The following DHX30 variants were observed in gnomAD, a reference collection of about 807,000 sequenced individuals.
The protein encoded by DHX30 is DExH-box helicase 30, also known as ATP-dependent RNA helicase DHX30.
A neutral mutation model predicts 116.9 loss-of-function variants in DHX30; 4 were observed. The observed-to-expected ratio is 0.03, with a 90% confidence interval of 0.02 to 0.08. DHX30 has a LOEUF of 0.08. Among genes scored for constraint, DHX30 ranks in the 10% least tolerant of loss-of-function variants. DHX30 has a pLI of 1.00. For synonymous variants in DHX30, 697 were observed against 651.7 expected (o/e 1.07, Z -1.06); for missense variants, 871 against 1,595.1 (o/e 0.55, Z 7.73).
At chr3:47,807,944 C>G (rs974867231) in intron 2 of DHX30, among the ~76,000 whole-genome samples, 2 of 151,528 alleles carry the variant, frequency 1.3e-5, no homozygotes, top group Non-Finnish European at 2.9e-5. Context: ...GAGTTTCGCT[C>G]TTGTTGCCCA....
At chr3:47,835,634 G>A (rs1307797075) in intron 6 of DHX30, among the ~76,000 whole-genome samples, 1 of 152,004 alleles carries the variant, frequency 6.6e-6, no homozygotes, top group African/African-American at 2.4e-5. Flanking sequence ...TAGAGATGGG[G>A]TTTCACCATG....
At chr3:47,830,129 CAA>C (rs2036776942) in intron 6 of DHX30, among the ~76,000 whole-genome samples, 1 of 148,886 alleles carries the variant, frequency 6.7e-6, no homozygotes, top group Non-Finnish European at 1.5e-5. Flanking sequence ...CATGCCTGGC[CAA>C]CTTTTTTTTT....
chr3:47,826,671 G>T lies in DHX30; in HGVS notation c.125-676G>T, dbSNP rs376029070. ...AAGGTTTCACTATGTTGGCCAGGTT[G>T]TCAAACTCCTGACCTTGTGATCCAC... On this transcript the variant is annotated intron_variant, in intron 4 of 21. Transcript: ENST00000445061. Among the ~76,000 whole-genome samples, 18 of 151,866 alleles carry T rather than the reference G, an allele frequency of 1.2e-4. No homozygotes were observed. The East Asian group carries it at 1.5e-3, about 13-fold the overall frequency.
chr3:47,848,617 G>A lies in DHX30; in HGVS notation c.2576-7G>A, dbSNP rs755558361. Reference sequence around the variant, plus strand: ...CGAGGGTGGTACTGACAGCTGAGCCGTTGCAGGGGTGCTGGACCAGCGGGA... The same window carrying A: ...CGAGGGTGGTACTGACAGCTGAGCCATTGCAGGGGTGCTGGACCAGCGGGA... On this transcript the variant is annotated splice_polypyrimidine_tract_variant and splice_region_variant and intron_variant, in intron 16 of 21. Transcript: ENST00000445061. The surrounding 1 kb of genome is among the most constrained non-coding windows in gnomAD (Gnocchi z 9.4). 1.3e-5 allele frequency: 21 copies of A among 1,613,944 alleles called. No homozygotes were observed. The South Asian group carries it at 1.4e-4, about 11-fold the overall frequency.
intron 6 of DHX30, among the ~76,000 whole-genome samples, chr3:47,831,672 CTTT>C (rs775768382): frequency 2.2e-5 from 3 of 137,272 alleles, no homozygotes; most frequent in African/African-American, 5.3e-5. Context: ...CCTCTAGTTA[CTTT>C]TTTTTTTTTT....
chr3:47,827,979 C>T (rs2107027860), intron 5 of DHX30, among the ~76,000 whole-genome samples: 1 of 152,206 alleles, frequency 6.6e-6, no homozygotes, highest in East Asian at 1.9e-4. Context: ...CCGCCTCAGC[C>T]TCCAAAGTAG....
intron 4 of DHX30, among the ~76,000 whole-genome samples, chr3:47,826,444 C>CTTTTT (rs978485673): frequency 7.5e-6 from 1 of 133,960 alleles, no homozygotes; most frequent in Non-Finnish European, 1.6e-5. Flanking sequence ...GGTTTTCTTT[C>CTTTTT]TTTTTTTTTT....
At chr3:47,814,456 A>T (rs1022525838) in intron 3 of DHX30, among the ~76,000 whole-genome samples, 7 of 150,792 alleles carry the variant, frequency 4.6e-5, no homozygotes, top group Non-Finnish European at 1.0e-4. Flanking sequence ...AAAGAAAAAA[A>T]AATTTTTTTT....
chr3:47,828,084 C>A lies in DHX30; in HGVS notation c.255+607C>A, dbSNP rs899787919. On this transcript the variant is annotated intron_variant, in intron 5 of 21. Transcript: ENST00000445061. ...TATGTTGCTCAGGGTAGTCTCAAAC[C>A]CCTTGGTTCAAGGGATCCTCCCTCC... Among the ~76,000 whole-genome samples the A allele has an allele frequency of 9.9e-5, 15 of 151,622 alleles. 1 individual carries two copies. The highest frequency in any genetic ancestry group is 9.9e-4 in the Admixed American group (15 of 15,204).
chr3:47,846,340 G>A lies in DHX30; in HGVS notation c.1268G>A (p.Arg423Gln), dbSNP rs1334763875. The A allele has an allele frequency of 3.7e-6, 6 of 1,613,962 alleles. No homozygotes were observed. The highest frequency in any genetic ancestry group is 2.2e-5 in the East Asian group (1 of 44,898). ...CAGAGTCTGCTAGAACTGTGGCGGCGGCGAGGGCCGGTCTGGCAGGAGGCC... is the reference window on the plus strand; with the variant it reads ...CAGAGTCTGCTAGAACTGTGGCGGCAGCGAGGGCCGGTCTGGCAGGAGGCC... ...LSQSLLELWR[R>Q]RGPVWQEAPQ... The change falls in exon 11 of 22, where the codon CGG becomes CAG. Residue 423 changes from arginine to glutamine, a missense_variant. Physicochemically the swap from Arg to Gln is conservative, Grantham distance 43 (BLOSUM62 1). This residue lies in a region of DHX30 where 175 missense variants were observed against 292.9 expected (regional missense o/e 0.60). Coordinates refer to ENST00000445061, the MANE Select transcript of DHX30 (RefSeq NM_138615.3).
At chr3:47,810,944 T>C (rs746944582) in intron 3 of DHX30, among the ~76,000 whole-genome samples, 1 of 152,106 alleles carries the variant, frequency 6.6e-6, no homozygotes, top group Non-Finnish European at 1.5e-5. Flanking sequence ...TCCCTGCTTA[T>C]TAAAATCCTT....
chr3:47,843,032 G>T, intron 8 of DHX30, 74 bp from the exon 9 acceptor site: 1 of 1,564,866 alleles, frequency 6.4e-7, no homozygotes, highest in Non-Finnish European at 8.7e-7. Flanking sequence ...TGGGCTCCTT[G>T]GCATTCTGAG....
intron 4 of DHX30, among the ~76,000 whole-genome samples, chr3:47,820,554 G>C (rs1402064955): frequency 2.6e-5 from 4 of 152,146 alleles, no homozygotes; most frequent in Admixed American, 6.5e-5. Flanking sequence ...CCCTTCCACT[G>C]TCCCTGCGGA....
intron 4 of DHX30, among the ~76,000 whole-genome samples, chr3:47,820,935 CTTCT>C (rs974243680): frequency 2.2e-5 from 3 of 139,274 alleles, no homozygotes; most frequent in African/African-American, 5.2e-5. Context: ...TGTTTTATTT[CTTCT>C]TTCTATTTTT....
chr3:47,841,671 G>C lies in DHX30; in HGVS notation c.723G>C (p.Gln241His), dbSNP rs772576639. 5 of 1,614,266 alleles carry C rather than the reference G, an allele frequency of 3.1e-6. No individual in the cohort carries two copies. The highest frequency in any genetic ancestry group is 4.2e-6 in the Non-Finnish European group (5 of 1,180,054). ...ACAGTGCCATTAGGGCTCTGACCCAGTTTCCACTTCCCAAGAACCTTCTGG... is the reference window on the plus strand; with the variant it reads ...ACAGTGCCATTAGGGCTCTGACCCACTTTCCACTTCCCAAGAACCTTCTGG... ...DDDSAIRALT[Q>H]FPLPKNLLAK... The change falls in exon 8 of 22, where the codon CAG becomes CAC. Residue 241 changes from glutamine to histidine, a missense_variant. Gln to His is a conservative substitution (Grantham distance 24, BLOSUM62 0). Transcript: ENST00000445061.
rs367804554 is a variant in DHX30 at position 47,848,419 on chromosome 3, G to A, written c.2493+33G>A. On this transcript the variant is annotated intron_variant, in intron 15 of 21. Coordinates refer to ENST00000445061, the MANE Select transcript of DHX30 (RefSeq NM_138615.3). The surrounding 1 kb of genome is among the most constrained non-coding windows in gnomAD (Gnocchi z 9.4). ...GGGGCGGGGCAGGGGCTGGCCTGGG[G>A]ACCAGGCAGGTGGGAGGCAGGCTCA... 9.0e-5 allele frequency: 145 copies of A among 1,613,838 alleles called. No homozygotes were observed. The Middle Eastern group carries it at 1.8e-3, about 20-fold the overall frequency.
chr3:47,848,108 A>G lies in DHX30; in HGVS notation c.2287-72A>G. ...GTGTTCCTGATGTAGGGGGCTGGTG[A>G]GGGTTACTCAGGGAGTGGGGAAGCA... is the stretch of plus-strand genomic sequence containing the variant. On this transcript the variant is annotated intron_variant, in intron 14 of 21. Coordinates refer to ENST00000445061, the MANE Select transcript of DHX30 (RefSeq NM_138615.3). This position sits in a 1 kb window ranked among gnomAD's most constrained non-coding sequence, Gnocchi z 9.4. The G allele has an allele frequency of 1.3e-6, 2 of 1,594,414 alleles. No homozygotes were observed. Among genetic ancestry groups the G allele is most frequent in the Non-Finnish European group, 1.7e-6 (2 of 1,165,428 alleles).
In DHX30 at chr3:47,827,293, G is replaced by A. The variant is rs1003240185; in HGVS notation, c.125-54G>A. On this transcript the variant is annotated intron_variant, in intron 4 of 21. Transcript: ENST00000445061. ...AGGGTTGCCCTGATACACACCCCAT[G>A]GAGTTTTTAAAAGAAAAAGAACAAC... is the stretch of plus-strand genomic sequence containing the variant. 4.5e-6 allele frequency: 7 copies of A among 1,550,212 alleles called. No homozygotes were observed. The African/African-American group carries it at 9.7e-5, about 21-fold the overall frequency.
At chr3:47,820,899 GCTCT>G (rs769021285) in intron 4 of DHX30, among the ~76,000 whole-genome samples, 134 of 148,668 alleles carry the variant, frequency 9.0e-4, no homozygotes, top group South Asian at 1.8e-3. Context: ...CATGCGTAAG[GCTCT>G]CTCTTTTTTT....
Sources: gnomAD v4.1 joint callset for allele counts (sites outside exome capture counted in the v4.1 genomes callset) on GRCh38, gnomAD v4.1.1 for gene constraint, gnomAD v4.1.1 regional missense constraint, Gnocchi (gnomAD v3.1) non-coding constraint, MANE v1.5 for transcripts, NCBI Gene and HGNC (gene_info 2026-07-23, HGNC 2026-07-21) for gene names.